Variants in TRAF2 observed in about 807,000 individuals in gnomAD.
TRAF2 encodes TNF receptor-associated factor 2.
Under a neutral mutation model 55.6 loss-of-function variants are expected in TRAF2, and 6 were observed. The ratio of observed to expected loss-of-function variants is 0.11; its 90% CI spans 0.06 to 0.21. TRAF2 has a LOEUF of 0.21. Among genes scored for constraint, TRAF2 ranks in the 10% least tolerant of loss-of-function variants. The probability of loss-of-function intolerance (pLI) is 1.00; values close to 1 mark genes in which losing one functional copy is unlikely to be tolerated. For synonymous variants in TRAF2, 329 were observed against 276.3 expected (o/e 1.19, Z -1.89); for missense variants, 561 against 684.5 (o/e 0.82, Z 2.01).
chr9:136,910,211 C>T (rs1473130986), intron 6 of TRAF2: 1 of 603,062 alleles, frequency 1.7e-6, no homozygotes, highest in East Asian at 2.8e-5. Flanking sequence ...CCCTCTTCCT[C>T]ATCCTCCAGT....
intron 7 of TRAF2, among the ~76,000 whole-genome samples, chr9:136,919,671 T>C (rs57518370): frequency 1.9e-5 from 1 of 51,430 alleles, no homozygotes. Flanking sequence ...CCTCCTTCTT[T>C]CCCTCCCCTT....
chr9:136,901,110 C>T lies in TRAF2; in HGVS notation c.366+590C>T, dbSNP rs568712231. On this transcript the variant is annotated intron_variant, in intron 4 of 10. Transcript: ENST00000247668. ...CTGTGGTTTGTCCCTGTGTGCTGGG[C>T]GAGCCGTGCACGCCTTCCTGCACTG... is the stretch of plus-strand genomic sequence containing the variant. Among the ~76,000 whole-genome samples the T allele has an allele frequency of 6.6e-4, 100 of 152,312 alleles. No individual in the cohort carries two copies. In the Middle Eastern group the frequency reaches 0.02, roughly 31 times the overall value.
rs529154518 is a variant in TRAF2, at chr9:136,908,192, C to T, written c.489C>T (p.Cys163=). Residue 163 remains cysteine (C), a synonymous_variant, in exon 5 of 11, where the codon TGC becomes TGT. Coordinates refer to ENST00000247668, the MANE Select transcript of TRAF2 (RefSeq NM_021138.4). ...AGTGCCCGGAGAGAAGCCTGAGCTGCCGGCATTGCCGGGCACCCTGCTGCG... is the reference window on the plus strand; with the variant it reads ...AGTGCCCGGAGAGAAGCCTGAGCTGTCGGCATTGCCGGGCACCCTGCTGCG... ...EHECPERSLS[C]RHCRAPCCGA... 2.5e-6 allele frequency: 4 copies of T among 1,599,406 alleles called. No homozygotes were observed. In the South Asian group the frequency reaches 4.4e-5, roughly 18 times the overall value.
At chr9:136,882,028 T>C (rs898903347), upstream of TRAF2, 25 of 985,388 alleles carry the variant, frequency 2.5e-5, no homozygotes, top group South Asian at 1.1e-3. Flanking sequence ...ACTGCGGCTA[T>C]TTGAGGTGGG....
At position 136,916,516 on chromosome 9, in the gene TRAF2, GCT is replaced by G; in HGVS notation, c.604-22_604-21del. 2.5e-6 allele frequency: 4 copies of G among 1,610,298 alleles called. No homozygotes were observed. In the Middle Eastern group the frequency reaches 5.0e-4, roughly 199 times the overall value. ...AAATGCATCAGAACAGAGAAAGATG[GCT>G]CTGTGACGTCACTCCCTTGTAGTTT... On this transcript the variant is annotated intron_variant, in intron 6 of 10. Coordinates refer to ENST00000247668, the MANE Select transcript of TRAF2 (RefSeq NM_021138.4).
rs151248686 is a variant in TRAF2, at chr9:136,896,174, C to T, written c.-28-2539C>T. ...CTGCTTCCCTGCCAGAGAGATGACC[C>T]CAATTCCTGCCTCCTCTCACTAGGC... On this transcript the variant is annotated intron_variant, in intron 1 of 10. Transcript: ENST00000247668. 4.3e-3 allele frequency among the ~76,000 whole-genome samples: 649 copies of T among 152,328 alleles called. 4 individuals are homozygous for T. Among genetic ancestry groups the T allele is most frequent in the African/African-American group, 0.015 (624 of 41,572 alleles).
chr9:136,888,274 A>T (rs1849499044), intron 1 of TRAF2, among the ~76,000 whole-genome samples: 1 of 152,148 alleles, frequency 6.6e-6, no homozygotes, highest in Admixed American at 6.5e-5. Context: ...GAGCTTTTAT[A>T]GAAGTGGGTT....
chr9:136,899,082 G>A (rs888664708), intron 2 of TRAF2, among the ~76,000 whole-genome samples, 154 bp downstream of exon 2: 2 of 152,250 alleles, frequency 1.3e-5, no homozygotes, highest in East Asian at 1.9e-4. Context: ...TTACCACAAA[G>A]AATGTAAAAT....
chr9:136,896,563 C>T (rs1222753023), intron 1 of TRAF2, among the ~76,000 whole-genome samples: 1 of 152,178 alleles, frequency 6.6e-6, no homozygotes, highest in Non-Finnish European at 1.5e-5. Flanking sequence ...ATCTTCACTT[C>T]AGCTAGAAGC....
intron 1 of TRAF2, among the ~76,000 whole-genome samples, chr9:136,897,973 T>C (rs2784076): frequency 0.83 from 87,230 of 105,546 alleles, 35,895 homozygotes; most frequent in African/African-American, 0.91. Flanking sequence ...TGGAGGGGAA[T>C]CCGTGGTAGC....
intron 1 of TRAF2, among the ~76,000 whole-genome samples, chr9:136,890,054 G>A (rs1444746898): frequency 7.5e-6 from 1 of 134,088 alleles, no homozygotes; most frequent in Non-Finnish European, 1.5e-5. Flanking sequence ...CCGCACGCTC[G>A]TTCAGCCGGT....
chr9:136,909,792 C>G (rs1045934834), intron 5 of TRAF2, 128 bp from the exon 6 acceptor site: 1 of 885,872 alleles, frequency 1.1e-6, no homozygotes, highest in Non-Finnish European at 1.8e-6. Flanking sequence ...CACTGTCCTT[C>G]GAGGCTGGAG....
intron 1 of TRAF2, among the ~76,000 whole-genome samples, chr9:136,895,180 C>T (rs1044018991): frequency 2.6e-4 from 39 of 152,294 alleles, no homozygotes; most frequent in African/African-American, 8.2e-4. Context: ...AGAGGTCAGC[C>T]CCTTTCAGGT....
chr9:136,888,668 G>A (rs1849507986), intron 1 of TRAF2, among the ~76,000 whole-genome samples: 1 of 152,206 alleles, frequency 6.6e-6, no homozygotes, highest in Non-Finnish European at 1.5e-5. Context: ...GGTTTGGGCA[G>A]TGTTTGACTT....
At position 136,909,901 on chromosome 9, in the gene TRAF2, C is replaced by T; in HGVS notation, c.529-19C>T. 1.2e-6 allele frequency: 2 copies of T among 1,614,036 alleles called. No individual in the cohort carries two copies. Among genetic ancestry groups the T allele is most frequent in the Non-Finnish European group, 1.7e-6 (2 of 1,179,934 alleles). The stretch of plus-strand genomic sequence containing the variant: ...GGCATTGGCGTCCACCCTCACACTC[C>T]TGATCCCTTCTTTTGAAGGCGCACC... On this transcript the variant is annotated intron_variant, in intron 5 of 10. Coordinates refer to ENST00000247668, the MANE Select transcript of TRAF2 (RefSeq NM_021138.4).
intron 3 of TRAF2, 118 bp from the exon 4 acceptor site, chr9:136,900,304 G>A (rs1239382579): frequency 4.9e-6 from 3 of 616,558 alleles, no homozygotes; most frequent in Non-Finnish European, 8.3e-6. Flanking sequence ...TGCTCCTGGA[G>A]TGGCCTGGAA....
upstream of TRAF2, chr9:136,882,771 T>C: frequency 1.0e-6 from 1 of 985,408 alleles, no homozygotes; most frequent in Non-Finnish European, 1.2e-6. Context: ...TGTCACAGCT[T>C]CCAAGCTGGT....
chr9:136,923,812 C>G (rs2131336419), intron 9 of TRAF2, 40 bp from the exon 10 acceptor site: 1 of 1,604,602 alleles, frequency 6.2e-7, no homozygotes, highest in Non-Finnish European at 8.5e-7. Context: ...CCCGCCCTTG[C>G]TGAGTGTCAG....
In TRAF2 at chr9:136,892,190, G is replaced by A. The variant is rs568566013; in HGVS notation, c.-29+5649G>A. On this transcript the variant is annotated intron_variant, in intron 1 of 10. Coordinates refer to ENST00000247668, the MANE Select transcript of TRAF2 (RefSeq NM_021138.4). ...TAAAGAATGTGGTTTAAGGCCAGGC[G>A]CGGTGGCTCACGCCTGTAATCCCAG... is the stretch of plus-strand genomic sequence containing the variant. Among the ~76,000 whole-genome samples, 9 of 150,332 alleles carry A rather than the reference G, an allele frequency of 6.0e-5. No individual in the cohort carries two copies. In the East Asian group the frequency reaches 1.6e-3, roughly 26 times the overall value.
Sources: allele counts gnomAD v4.1 joint callset (sites outside exome capture counted in the v4.1 genomes callset), GRCh38; gene constraint gnomAD v4.1.1; transcripts MANE v1.5; gene names NCBI Gene and HGNC (gene_info 2026-07-23, HGNC 2026-07-21).